Variants in LLGL1 observed in about 807,000 individuals in gnomAD.
The protein encoded by LLGL1 is lethal(2) giant larvae protein homolog 1.
Under a neutral mutation model 110.6 loss-of-function variants are expected in LLGL1, and 58 were observed. The ratio of observed to expected loss-of-function variants is 0.52; its 90% CI spans 0.42 to 0.65. The LOEUF (loss-of-function observed/expected upper bound fraction) is 0.65, where lower values mean the gene tolerates loss of function less well. LLGL1 is among the 30% of genes least tolerant of loss of function. The pLI is 0.00. For synonymous variants in LLGL1, 674 were observed against 607.2 expected (o/e 1.11, Z -1.62); for missense variants, 1,229 against 1,462.1 (o/e 0.84, Z 2.60).
chr17:18,241,672 C>T lies in LLGL1; in HGVS notation c.2724C>T (p.Asp908=). ...ACTATTCCTGCATCCGGAAGGAGGA[C>T]ATCAGCGGCATCGCTTCGTGCGTCT... The part of the protein sequence containing the change: ...QVHYSCIRKE[D]ISGIASCVFT... Residue 908 remains aspartate (D), a synonymous_variant, in exon 18 of 23, where the codon GAC becomes GAT. Transcript: ENST00000316843. 6.2e-7 allele frequency: 1 copy of T among 1,613,686 alleles called. No individual in the cohort carries two copies.
At chr17:18,231,070 C>G (rs2047557002) in intron 2 of LLGL1, among the ~76,000 whole-genome samples, 1 of 152,208 alleles carries the variant, frequency 6.6e-6, no homozygotes. Context: ...CTTCAGGTGT[C>G]CCTCCTGTGT....
rs761985510 is a variant in LLGL1, at chr17:18,234,949, G to A, written c.1016G>A (p.Arg339His). 1.9e-5 allele frequency: 31 copies of A among 1,613,896 alleles called. No individual in the cohort carries two copies. The highest frequency in any genetic ancestry group is 2.5e-5 in the Non-Finnish European group (29 of 1,179,986). ...TTGGTGACGCTGGACTTCACTTCCC[G>A]CATCATCGACTTCTTCACAGTGCAC... ...ETLVTLDFTSRIIDFFTVHST... is the reference protein window; with the variant it reads ...ETLVTLDFTSHIIDFFTVHST... Residue 339 changes from arginine (R) to histidine (H), a missense_variant, in exon 9 of 23, where the codon CGC (arginine) becomes CAC (histidine). Transcript: ENST00000316843.
chr17:18,243,643 C>CCAT (rs2047907044), intron 22 of LLGL1, among the ~76,000 whole-genome samples: 1 of 152,206 alleles, frequency 6.6e-6, no homozygotes, highest in South Asian at 2.1e-4. Flanking sequence ...TGACTGTAGG[C>CCAT]CATAGCCTCA....
chr17:18,240,524 AG>A lies in LLGL1; in HGVS notation c.2207-50del. On this transcript the variant is annotated intron_variant, in intron 16 of 22. Transcript: ENST00000316843. The surrounding 1 kb of genome is among the most constrained non-coding windows in gnomAD (Gnocchi z 5.3). The stretch of plus-strand genomic sequence containing the variant: ...GACCTGCAGTCTGTGGGAAGACCCC[AG>A]GGGAGATGCCTGGCCCACAGGGAGC... 3 of 1,530,186 alleles carry A rather than the reference AG, an allele frequency of 2.0e-6. No homozygotes were observed. The highest frequency in any genetic ancestry group is 2.6e-6 in the Non-Finnish European group (3 of 1,136,610). 94.8% of individuals were successfully genotyped at this position (1,530,186 alleles called of 1,614,324 possible). A position where few individuals can be genotyped will look rare whatever the true frequency, so the allele number is the denominator to read the frequency against.
chr17:18,228,160 A>G (rs1460989455), intron 1 of LLGL1, among the ~76,000 whole-genome samples: 1 of 152,244 alleles, frequency 6.6e-6, no homozygotes, highest in Non-Finnish European at 1.5e-5. Context: ...AGCCAAAACA[A>G]AAAAGTAAAA....
In LLGL1 at chr17:18,236,700, C is replaced by T; in HGVS notation, c.1446C>T (p.Asp482=). Reference sequence around the variant, plus strand: ...GCACAGCTGGCCTCTTCCAGACAGACTGTGAGCACGCTGACAGCCTGGCCC... The same window carrying T: ...GCACAGCTGGCCTCTTCCAGACAGATTGTGAGCACGCTGACAGCCTGGCCC... ...KLSTAGLFQT[D]CEHADSLAQA... The change falls in exon 12 of 23, where the codon GAC becomes GAT. Residue 482 remains aspartate, a synonymous_variant. Transcript: ENST00000316843. 3.7e-6 allele frequency: 6 copies of T among 1,612,692 alleles called. No individual in the cohort carries two copies. The highest frequency in any genetic ancestry group is 5.1e-6 in the Non-Finnish European group (6 of 1,179,992).
chr17:18,238,301 C>T, intron 15 of LLGL1, 87 bp downstream of exon 15: 3 of 1,585,982 alleles, frequency 1.9e-6, no homozygotes, highest in Non-Finnish European at 1.7e-6. Context: ...GCCTGCTTAG[C>T]TCAGTGCTCC....
rs1282519481 is a variant in LLGL1, at chr17:18,232,756, G to A, written c.346G>A (p.Ala116Thr). 11 of 1,613,984 alleles carry A rather than the reference G, an allele frequency of 6.8e-6. No individual in the cohort carries two copies. The East Asian group carries it at 2.0e-4, about 29-fold the overall frequency. Residue 116 changes from alanine (A) to threonine (T), a missense_variant, in exon 4 of 23, where the codon GCA (alanine) becomes ACA (threonine). Transcript: ENST00000316843. ...HHNGCAHLEE[A>T]LSFQLPSRPG... Reference sequence around the variant, plus strand: ...TAATGGCTGTGCCCACCTGGAAGAAGCACTCAGTTTCCAGCTGCCCAGCCG... The same window carrying A: ...TAATGGCTGTGCCCACCTGGAAGAAACACTCAGTTTCCAGCTGCCCAGCCG...
chr17:18,234,611 C>G (rs755240733), intron 7 of LLGL1, 38 bp from the exon 8 acceptor site: 1 of 1,611,116 alleles, frequency 6.2e-7, no homozygotes, highest in Non-Finnish European at 8.5e-7. Flanking sequence ...TGCTAAGAAC[C>G]ACCAGTGAGT....
At chr17:18,226,027 T>G (rs1190884706) in intron 1 of LLGL1, among the ~76,000 whole-genome samples, 5 of 151,908 alleles carry the variant, frequency 3.3e-5, no homozygotes, top group Admixed American at 2.0e-4. Flanking sequence ...TCTGCCAGTC[T>G]GTGTGTGTGG....
chr17:18,231,834 G>A (rs61576260), intron 2 of LLGL1, among the ~76,000 whole-genome samples: 8,139 of 152,076 alleles, frequency 0.054, 668 homozygotes, highest in African/African-American at 0.18. Flanking sequence ...TAATTTTTGC[G>A]TTTTTAGTAG....
rs952086581 is a variant in LLGL1, at chr17:18,236,871, C to T, written c.1543C>T (p.Leu515Phe). 6 of 1,613,798 alleles carry T rather than the reference C, an allele frequency of 3.7e-6. No individual in the cohort carries two copies. In the East Asian group the frequency reaches 1.1e-4, roughly 30 times the overall value. The change falls in exon 13 of 23, where the codon CTT becomes TTT. Residue 515 changes from leucine to phenylalanine, a missense_variant. Coordinates refer to ENST00000316843, the MANE Select transcript of LLGL1 (RefSeq NM_004140.4). Reference sequence around the variant, plus strand: ...CGATCCCTACAGTGACGATCCCCGGCTTGGCGTGCAGAAGGTTGCTCTCTG... The same window carrying T: ...CGATCCCTACAGTGACGATCCCCGGTTTGGCGTGCAGAAGGTTGCTCTCTG... ...CFDPYSDDPR[L>F]GVQKVALCKY...
chr17:18,232,523 G>T lies in LLGL1; in HGVS notation c.208G>T (p.Gly70Cys). The T allele has an allele frequency of 6.2e-7, 1 of 1,614,096 alleles. No individual in the cohort carries two copies. Among genetic ancestry groups the T allele is most frequent in the Non-Finnish European group, 8.5e-7 (1 of 1,179,980 alleles). The change falls in exon 3 of 23, where the codon GGC (glycine) becomes TGC (cysteine). Residue 70 changes from glycine to cysteine, a missense_variant. Coordinates refer to ENST00000316843, the MANE Select transcript of LLGL1 (RefSeq NM_004140.4). ...TGGTGCACCTGGCGTGGAGTTCACA[G>T]GCCTGCACCGGGATGCAGCCACTGT... ...IYGAPGVEFTGLHRDAATVTQ... is the reference protein window; with the variant it reads ...IYGAPGVEFTCLHRDAATVTQ...
In LLGL1 at chr17:18,240,586, C is replaced by A. The variant is rs771990753; in HGVS notation, c.2215C>A (p.His739Asn). 2 of 1,594,568 alleles carry A rather than the reference C, an allele frequency of 1.3e-6. No homozygotes were observed. Among genetic ancestry groups the A allele is most frequent in the Non-Finnish European group, 8.6e-7 (1 of 1,167,154 alleles). Residue 739 changes from histidine to asparagine, a missense_variant, in exon 17 of 23, where the codon CAC (histidine) becomes AAC (asparagine). By Grantham distance (68) the His-to-Asn change is moderately conservative (BLOSUM62 1). Transcript: ENST00000316843. This position sits in a 1 kb window ranked among gnomAD's most constrained non-coding sequence, Gnocchi z 5.3. ...ADTFLRDGAH[H>N]GPTMWAGTNS... ...GCGCTTGTTTTCTGCAGGGGCCCAC[C>A]ACGGGCCCACCATGTGGGCTGGCAC... is the stretch of plus-strand genomic sequence containing the variant.
In LLGL1 at chr17:18,240,978, A is replaced by G. The variant is rs1388178383; in HGVS notation, c.2502+105A>G. 1.7e-6 allele frequency: 2 copies of G among 1,200,590 alleles called. No individual in the cohort carries two copies. The highest frequency in any genetic ancestry group is 2.3e-6 in the Non-Finnish European group (2 of 878,244). The allele number at this position is 1,200,590 out of a possible 1,614,324, so 74.4% of individuals were successfully genotyped here. On this transcript the variant is annotated intron_variant, in intron 17 of 22. Coordinates refer to ENST00000316843, the MANE Select transcript of LLGL1 (RefSeq NM_004140.4). This position sits in a 1 kb window ranked among gnomAD's most constrained non-coding sequence, Gnocchi z 5.3. ...GAAACCCTTCCTGCCTGTATCCCCC[A>G]CTGTTGGGACCCTAATTCCCTTGCA...
chr17:18,238,795 G>GA (rs2047755494), intron 16 of LLGL1, among the ~76,000 whole-genome samples, 186 bp downstream of exon 16: 1 of 152,202 alleles, frequency 6.6e-6, no homozygotes, highest in African/African-American at 2.4e-5. Flanking sequence ...CGGATCACCT[G>GA]AGGTCAGGAG....
At chr17:18,237,039 A>G in intron 13 of LLGL1, 100 bp downstream of exon 13, 1 of 1,059,082 alleles carries the variant, frequency 9.4e-7, no homozygotes, top group Non-Finnish European at 1.4e-6. Flanking sequence ...TGGCACAGGC[A>G]AAAGCCAAGG....
chr17:18,232,784 C>G lies in LLGL1; in HGVS notation c.374C>G (p.Pro125Arg). The change falls in exon 4 of 23, where the codon CCC (proline) becomes CGC (arginine). Residue 125 changes from proline to arginine, a missense_variant. Coordinates refer to ENST00000316843, the MANE Select transcript of LLGL1 (RefSeq NM_004140.4). The stretch of plus-strand genomic sequence containing the variant: ...CTCAGTTTCCAGCTGCCCAGCCGGC[C>G]CGGCTTTGATGGTGCCAGGTACTGG... ...EALSFQLPSR[P>R]GFDGASAPLS... 3 of 1,614,002 alleles carry G rather than the reference C, an allele frequency of 1.9e-6. No homozygotes were observed. Among genetic ancestry groups the G allele is most frequent in the Non-Finnish European group, 1.7e-6 (2 of 1,180,018 alleles).
intron 2 of LLGL1, 83 bp from the exon 3 acceptor site, chr17:18,232,412 C>T (rs1006739954): frequency 8.0e-6 from 10 of 1,252,190 alleles, no homozygotes; most frequent in East Asian, 5.0e-5. Flanking sequence ...TGGAATAGTC[C>T]GGGTCAAGGA....
Sources: allele counts gnomAD v4.1 joint callset (sites outside exome capture counted in the v4.1 genomes callset), GRCh38; gene constraint gnomAD v4.1.1; non-coding constraint Gnocchi (gnomAD v3.1); transcripts MANE v1.5; gene names NCBI Gene and HGNC (gene_info 2026-07-23, HGNC 2026-07-21).